TTC9: variants seen among roughly 807,000 people sequenced by gnomAD.
TTC9 encodes the protein tetratricopeptide repeat domain 9.
TTC9 carries 13 observed loss-of-function variants against 22.9 expected under a neutral mutation model. That is an observed-to-expected ratio of 0.57 (90% CI 0.37 to 0.90). The LOEUF (loss-of-function observed/expected upper bound fraction) is 0.90, where lower values mean the gene tolerates loss of function less well. TTC9 is among the 40% of genes least tolerant of loss of function. The pLI is 0.01. For synonymous variants in TTC9, 148 were observed against 133.2 expected, an observed-to-expected ratio of 1.11 and a Z score of -0.77; for missense variants, 280 against 291.8, an observed-to-expected ratio of 0.96 and a Z score of 0.29.
chr14:70,642,564 G>C (rs1208463975), intron 1 of TTC9, 29 bp downstream of exon 1: 5 of 1,517,532 alleles, frequency 3.3e-6, no homozygotes, highest in African/African-American at 2.8e-5. Flanking sequence ...CCCGCGCCGC[G>C]GTCCCCGTTC....
chr14:70,645,111 C>CAAAAAATAAAAAAT (rs796621209), intron 1 of TTC9, among the ~76,000 whole-genome samples: 1 of 151,146 alleles, frequency 6.6e-6, no homozygotes, highest in Non-Finnish European at 1.5e-5. Context: ...GACTCTGTCT[C>CAAAAAATAAAAAAT]AAAAAATAAA....
chr14:70,645,336 C>G (rs1298402597), intron 1 of TTC9, among the ~76,000 whole-genome samples: 1 of 152,228 alleles, frequency 6.6e-6, no homozygotes, highest in Non-Finnish European at 1.5e-5. Flanking sequence ...ACAATTACCT[C>G]TAATCCAGTT....
chr14:70,645,099 G>A (rs796368423), intron 1 of TTC9, among the ~76,000 whole-genome samples: 84 of 152,014 alleles, frequency 5.5e-4, no homozygotes, highest in African/African-American at 1.9e-3. Flanking sequence ...GCGACAGAAC[G>A]AGACTCTGTC....
intron 1 of TTC9, among the ~76,000 whole-genome samples, chr14:70,653,730 A>C (rs75164529): frequency 6.6e-6 from 1 of 151,960 alleles, no homozygotes; most frequent in Non-Finnish European, 1.5e-5. Context: ...TTGAAATGAA[A>C]AGCAGGGAAA....
At chr14:70,661,955 C>T (rs1886150016) in intron 1 of TTC9, among the ~76,000 whole-genome samples, 1 of 152,174 alleles carries the variant, frequency 6.6e-6, no homozygotes. Context: ...CACTGGCCAC[C>T]TCTGCTATCA....
chr14:70,645,877 T>G (rs1885894760), intron 1 of TTC9, among the ~76,000 whole-genome samples: 1 of 152,218 alleles, frequency 6.6e-6, no homozygotes, highest in Non-Finnish European at 1.5e-5. Context: ...AGCCCAGAAG[T>G]ACCTGGAAAA....
chr14:70,666,161 A>T (rs556224506), intron 1 of TTC9, among the ~76,000 whole-genome samples: 1 of 152,014 alleles, frequency 6.6e-6, no homozygotes, highest in Admixed American at 6.6e-5. Context: ...ACGAAATTTC[A>T]ATCATTCTTC....
At chr14:70,642,559 G>GCCGCGCCCCCCGCC (rs774717358) in intron 1 of TTC9, 24 bp downstream of exon 1, 17,074 of 1,521,712 alleles carry the variant, frequency 0.011, 156 homozygotes, top group Middle Eastern at 0.019. Context: ...CGCCCCCCGC[G>GCCGCGCCCCCCGCC]CCGCGGTCCC....
chr14:70,654,579 C>G (rs1476005102), intron 1 of TTC9, among the ~76,000 whole-genome samples: 30 of 67,472 alleles, frequency 4.4e-4, no homozygotes, highest in African/African-American at 1.5e-3. Flanking sequence ...AACAGTAAGG[C>G]TCTGTCTCAA....
At position 70,642,133 on chromosome 14, in the gene TTC9, G is replaced by C; in HGVS notation, c.4G>C (p.Glu2Gln). 8.7e-7 allele frequency: 1 copy of C among 1,145,586 alleles called. No homozygotes were observed. Among genetic ancestry groups the C allele is most frequent in the Non-Finnish European group, 1.1e-6 (1 of 929,462 alleles). The allele number at this position is 1,145,586 out of a possible 1,614,324, so 71.0% of individuals were successfully genotyped here. Residue 2 changes from glutamate (E) to glutamine (Q), a missense_variant, in exon 1 of 3, where the codon GAG becomes CAG. Glu to Gln is a conservative substitution (Grantham distance 29). Coordinates refer to ENST00000256367, the MANE Select transcript of TTC9 (RefSeq NM_015351.2). M[E>Q]RKGSAAGAKG... is the part of the protein sequence containing the mutation. ...CAGGCGCCGGGGCGGCGGCCGAATGGAGAGAAAGGGCTCGGCGGCCGGGGC... is the reference window on the plus strand; with the variant it reads ...CAGGCGCCGGGGCGGCGGCCGAATGCAGAGAAAGGGCTCGGCGGCCGGGGC...
In TTC9 at chr14:70,642,194, G is replaced by A. The variant is rs1481672734; in HGVS notation, c.65G>A (p.Gly22Glu). 1.6e-6 allele frequency: 2 copies of A among 1,240,414 alleles called. No individual in the cohort carries two copies. Among genetic ancestry groups the A allele is most frequent in the South Asian group, 3.7e-5 (1 of 27,122 alleles). 76.8% of individuals were successfully genotyped at this position (1,240,414 alleles called of 1,614,324 possible). Residue 22 changes from glycine to glutamate, a missense_variant, in exon 1 of 3, where the codon GGG becomes GAG. Coordinates refer to ENST00000256367, the MANE Select transcript of TTC9 (RefSeq NM_015351.2). ...CCGAGCCCGCCCGCGGCCGGAGAGG[G>A]GCAGCGGCCACCGCCGCCGCTGTGC... ...GNPSPPAAGE[G>E]QRPPPPLCVP... is the part of the protein sequence containing the mutation.
chr14:70,662,641 G>T (rs1175001345), intron 1 of TTC9, among the ~76,000 whole-genome samples: 1 of 152,224 alleles, frequency 6.6e-6, no homozygotes, highest in Admixed American at 6.5e-5. Flanking sequence ...TGAAAGGACG[G>T]TAGAGATCAT....
intron 1 of TTC9, among the ~76,000 whole-genome samples, chr14:70,659,532 G>A (rs10148625): frequency 0.017 from 2,527 of 152,050 alleles, 84 homozygotes; most frequent in African/African-American, 0.057. Context: ...AAAAGCAGCC[G>A]CAGCAGGAGG....
intron 1 of TTC9, among the ~76,000 whole-genome samples, chr14:70,646,484 C>T (rs1014708495): frequency 2.0e-5 from 3 of 152,120 alleles, no homozygotes; most frequent in Non-Finnish European, 2.9e-5. Flanking sequence ...GCTGTGGTGG[C>T]CCTAGCAGAA....
chr14:70,671,905 G>A lies in TTC9; in HGVS notation c.*750G>A, dbSNP rs549854263. On this transcript the variant is annotated 3_prime_UTR_variant, in exon 3 of 3. Coordinates refer to ENST00000256367, the MANE Select transcript of TTC9 (RefSeq NM_015351.2). ...GCAGGATGAAGTGGGCCAAGGTTTG[G>A]GACAGGTTGACTGTGTAGGTGACAG... 1 of 152,992 alleles carries A rather than the reference G, an allele frequency of 6.5e-6. No individual in the cohort carries two copies. Among genetic ancestry groups the A allele is most frequent in the African/African-American group, 2.4e-5 (1 of 41,594 alleles). The allele number at this position is 152,992 out of a possible 1,614,324, so 9.5% of individuals were successfully genotyped here.
intron 1 of TTC9, among the ~76,000 whole-genome samples, chr14:70,651,590 C>T (rs1246399206): frequency 3.9e-5 from 6 of 152,174 alleles, no homozygotes; most frequent in Non-Finnish European, 7.3e-5. Flanking sequence ...GCCACCATCC[C>T]AGTCCACACA....
chr14:70,673,897 G>A lies in TTC9; in HGVS notation c.*2742G>A, dbSNP rs994780910. The A allele has an allele frequency of 1.3e-5, 2 of 152,084 alleles. No individual in the cohort carries two copies. The highest frequency in any genetic ancestry group is 4.8e-5 in the African/African-American group (2 of 41,378). 9.4% of individuals were successfully genotyped at this position (152,084 alleles called of 1,614,324 possible). ...CCTCTCAGAACCTCATAGAACAAGC[G>A]TCCAGGTCATCTGCTTGTTTGGTGA... On this transcript the variant is annotated 3_prime_UTR_variant, in exon 3 of 3. Coordinates refer to ENST00000256367, the MANE Select transcript of TTC9 (RefSeq NM_015351.2).
In TTC9 at chr14:70,675,043, C is replaced by G. The variant is rs1886349577; in HGVS notation, c.*3888C>G. 1 of 152,160 alleles carries G rather than the reference C, an allele frequency of 6.6e-6. No individual in the cohort carries two copies. The allele number at this position is 152,160 out of a possible 1,614,324, so 9.4% of individuals were successfully genotyped here. ...CTCCTATTTGGATCCTAGAGAGTAC[C>G]CTGTTTCCTGCACCCTAACACTAGG... On this transcript the variant is annotated 3_prime_UTR_variant, in exon 3 of 3. Coordinates refer to ENST00000256367, the MANE Select transcript of TTC9 (RefSeq NM_015351.2).
At position 70,642,494 on chromosome 14, in the gene TTC9, C is replaced by G; in HGVS notation, c.365C>G (p.Thr122Arg). 1 of 1,546,920 alleles carries G rather than the reference C, an allele frequency of 6.5e-7. No individual in the cohort carries two copies. Residue 122 changes from threonine (T) to arginine (R), a missense_variant, in exon 1 of 3, where the codon ACG becomes AGG. Thr to Arg is a moderately conservative substitution (Grantham distance 71, BLOSUM62 -1). Coordinates refer to ENST00000256367, the MANE Select transcript of TTC9 (RefSeq NM_015351.2). ...PGRLSEEQSK[T>R]VEAIEIDCYN... ...CGCCTCTCGGAGGAGCAGAGCAAGACGGTGGAAGCCATCGAGATCGACTGT... is the reference window on the plus strand; with the variant it reads ...CGCCTCTCGGAGGAGCAGAGCAAGAGGGTGGAAGCCATCGAGATCGACTGT...
Sources: gnomAD v4.1 joint callset for allele counts (sites outside exome capture counted in the v4.1 genomes callset) on GRCh38, gnomAD v4.1.1 for gene constraint, MANE v1.5 for transcripts, NCBI Gene and HGNC (gene_info 2026-07-23, HGNC 2026-07-21) for gene names.